SPTLC1: variants seen among roughly 807,000 people sequenced by gnomAD.
SPTLC1 encodes the protein serine palmitoyltransferase 1.
Under a neutral mutation model 68.9 loss-of-function variants are expected in SPTLC1, and 55 were observed. The ratio of observed to expected loss-of-function variants is 0.80; its 90% CI spans 0.64 to 1.00. The LOEUF (loss-of-function observed/expected upper bound fraction) is 1.00. SPTLC1 is among the 50% of genes least tolerant of loss of function. The pLI is 0.00. For missense variants in SPTLC1, 449 were observed against 573.1 expected, an observed-to-expected ratio of 0.78 and a Z score of 2.21; for synonymous variants, 197 against 201.6, an observed-to-expected ratio of 0.98 and a Z score of 0.19.
intron 5 of SPTLC1, among the ~76,000 whole-genome samples, chr9:92,072,020 T>A (rs1261077080): frequency 6.6e-6 from 1 of 152,154 alleles, no homozygotes; most frequent in East Asian, 1.9e-4. Context: ...CCCACCACCC[T>A]CTGCTGACTC....
chr9:92,051,371 C>A (rs1428315629), intron 8 of SPTLC1: 1 of 591,438 alleles, frequency 1.7e-6, no homozygotes, highest in African/African-American at 2.0e-5. Context: ...GGGGAAAAAC[C>A]CCACATGATC....
At chr9:92,033,265 A>T (rs75212506) in intron 14 of SPTLC1, among the ~76,000 whole-genome samples, 1 of 152,316 alleles carries the variant, frequency 6.6e-6, no homozygotes, top group African/African-American at 2.4e-5. Flanking sequence ...TCTCAAATCA[A>T]CGACAGTTTG....
At chr9:92,060,822 A>G (rs1368858739) in intron 6 of SPTLC1, among the ~76,000 whole-genome samples, 3 of 151,164 alleles carry the variant, frequency 2.0e-5, no homozygotes, top group Non-Finnish European at 4.4e-5. Flanking sequence ...CTGAGGCAGG[A>G]GAATGGTGTG....
At chr9:92,090,369 G>A (rs1189234363) in intron 3 of SPTLC1, among the ~76,000 whole-genome samples, 1 of 152,176 alleles carries the variant, frequency 6.6e-6, no homozygotes, top group African/African-American at 2.4e-5. Context: ...AGCACTTTGG[G>A]ACACCAAAGC....
In SPTLC1 at chr9:92,034,810, C is replaced by G. The variant is rs1463416767; in HGVS notation, c.1328G>C (p.Ser443Thr). Residue 443 changes from serine (S) to threonine (T), a missense_variant and splice_region_variant, in exon 14 of 15, where the codon AGC becomes ACC. Around this residue, in one of 3 missense-constraint regions of SPTLC1, gnomAD observed 391 missense variants for 472.1 expected, o/e 0.83. Transcript: ENST00000262554. ...AGGTCATATTTTAACGTCAACTGAC[C>G]TGGGAGGAGGGAGACACTTCTCTTC... ...EKEEKCLPPP[S>T]IRVVVTVEQT... 1 of 1,613,630 alleles carries G rather than the reference C, an allele frequency of 6.2e-7. No homozygotes were observed. The highest frequency in any genetic ancestry group is 8.5e-7 in the Non-Finnish European group (1 of 1,179,748).
chr9:92,048,098 T>C (rs1265290233), intron 9 of SPTLC1, among the ~76,000 whole-genome samples: 1 of 152,198 alleles, frequency 6.6e-6, no homozygotes, highest in Non-Finnish European at 1.5e-5. Context: ...CTGAGATAAA[T>C]AAAAAGTCTA....
At chr9:92,102,555 T>C (rs1286353587) in intron 3 of SPTLC1, among the ~76,000 whole-genome samples, 1 of 152,202 alleles carries the variant, frequency 6.6e-6, no homozygotes, top group African/African-American at 2.4e-5. Context: ...GTGGGGGTAG[T>C]ATAGCAGGTT....
At position 92,074,468 on chromosome 9, in the gene SPTLC1, C is replaced by T. The variant is rs72748333; in HGVS notation, c.427+5548G>A. Among the ~76,000 whole-genome samples the T allele has an allele frequency of 3.5e-3, 530 of 152,210 alleles. 3 individuals are homozygous for T. The highest frequency in any genetic ancestry group is 6.4e-3 in the Non-Finnish European group (438 of 68,012). ...TACCCTTTTATCCAATTCCAAACCT[C>T]CCTCGCAACCTCTCCTTTCATCTCC... On this transcript the variant is annotated intron_variant, in intron 5 of 14. Transcript: ENST00000262554.
chr9:92,045,863 G>A, intron 12 of SPTLC1, 136 bp downstream of exon 12: 2 of 707,802 alleles, frequency 2.8e-6, no homozygotes, highest in Non-Finnish European at 5.0e-6. Flanking sequence ...ATAAACCAAT[G>A]TGAGTGAACT....
intron 3 of SPTLC1, among the ~76,000 whole-genome samples, chr9:92,106,432 C>A (rs1835989820): frequency 6.7e-6 from 1 of 149,228 alleles, no homozygotes. Flanking sequence ...CGAGATCGCA[C>A]CACTGCACTC....
intron 8 of SPTLC1, chr9:92,051,123 A>G: frequency 1.0e-6 from 1 of 985,100 alleles, no homozygotes; most frequent in Non-Finnish European, 1.2e-6. Context: ...TCTATCAACC[A>G]TTGACACTCT....
At chr9:92,094,191 G>A (rs1400184776) in intron 3 of SPTLC1, among the ~76,000 whole-genome samples, 13 of 152,148 alleles carry the variant, frequency 8.5e-5, no homozygotes, top group Admixed American at 8.5e-4. Flanking sequence ...AAGAAATTTG[G>A]TTCAACGAAA....
intron 8 of SPTLC1, among the ~76,000 whole-genome samples, chr9:92,051,771 C>T (rs1833711532): frequency 6.6e-6 from 1 of 152,070 alleles, no homozygotes; most frequent in Admixed American, 6.6e-5. Flanking sequence ...TTACATTATG[C>T]AAAAGCAATA....
At chr9:92,060,853 C>T (rs1481771678) in intron 6 of SPTLC1, among the ~76,000 whole-genome samples, 1 of 148,398 alleles carries the variant, frequency 6.7e-6, no homozygotes, top group Non-Finnish European at 1.5e-5. Flanking sequence ...GCGGAGCTTG[C>T]AGTGAGTCAA....
chr9:92,079,739 A>C, intron 5 of SPTLC1: 1 of 693,846 alleles, frequency 1.4e-6, no homozygotes. Context: ...CCCCTGCATA[A>C]AGAGTACTGC....
intron 9 of SPTLC1, among the ~76,000 whole-genome samples, chr9:92,049,228 T>G (rs912222674): frequency 6.6e-6 from 1 of 152,162 alleles, no homozygotes; most frequent in Non-Finnish European, 1.5e-5. Context: ...GTTTTATAGT[T>G]CAACTCTGTA....
chr9:92,040,107 C>G (rs140977136), intron 12 of SPTLC1, among the ~76,000 whole-genome samples: 1 of 152,144 alleles, frequency 6.6e-6, no homozygotes, highest in African/African-American at 2.4e-5. Flanking sequence ...TGGTGCCTCA[C>G]GCCTGTAATC....
In SPTLC1 at chr9:92,083,725, CTCT is replaced by C. The variant is rs925494168; in HGVS notation, c.261-2765_261-2763del. ...CTTAGGATTGACTTGGCGATGTGGGCTCTTTTTTGGTTCCATATGAACTTTAAA... is the reference window on the plus strand; with the variant it reads ...CTTAGGATTGACTTGGCGATGTGGGCTTTTTGGTTCCATATGAACTTTAAA... On this transcript the variant is annotated intron_variant, in intron 3 of 14. Coordinates refer to ENST00000262554, the MANE Select transcript of SPTLC1 (RefSeq NM_006415.4). 6.8e-4 allele frequency among the ~76,000 whole-genome samples: 104 copies of C among 152,152 alleles called. 1 individual carries two copies. In the Middle Eastern group the frequency reaches 0.017, roughly 25 times the overall value.
chr9:92,085,552 T>C (rs1257784675), intron 3 of SPTLC1, among the ~76,000 whole-genome samples: 2 of 150,604 alleles, frequency 1.3e-5, no homozygotes, highest in Non-Finnish European at 3.0e-5. Context: ...TTGAGCGGTT[T>C]TGAGTGAGTT....
Sources: allele counts gnomAD v4.1 joint callset (sites outside exome capture counted in the v4.1 genomes callset), GRCh38; gene constraint gnomAD v4.1.1; regional missense constraint gnomAD v4.1.1; transcripts MANE v1.5; gene names NCBI Gene and HGNC (gene_info 2026-07-23, HGNC 2026-07-21).